The following FNIP2 variants were observed in gnomAD, a reference collection of about 807,000 sequenced individuals.
FNIP2 encodes folliculin-interacting protein 2.
FNIP2 carries 32 observed loss-of-function variants against 108.7 expected under a neutral mutation model. The observed-to-expected ratio is 0.29, with a 90% confidence interval of 0.22 to 0.40. The LOEUF is 0.40. FNIP2 is among the 10% of genes least tolerant of loss of function. The pLI, the probability that FNIP2 is intolerant of heterozygous loss-of-function variation, is 1.00. For synonymous variants in FNIP2, 480 were observed against 496.7 expected (o/e 0.97, Z 0.45); for missense variants, 1,202 against 1,381.6 (o/e 0.87, Z 2.06).
In FNIP2 at chr4:158,784,300, A is replaced by G. The variant is rs772270009; in HGVS notation, c.107+14981A>G. 3.4e-4 allele frequency among the ~76,000 whole-genome samples: 52 copies of G among 152,304 alleles called. No individual in the cohort carries two copies. The Middle Eastern group carries it at 0.01, about 30-fold the overall frequency. On this transcript the variant is annotated intron_variant, in intron 1 of 16. Coordinates refer to ENST00000264433, the MANE Select transcript of FNIP2 (RefSeq NM_020840.3). ...GTTCCTTCTTCCAAACTCGGTTTAG[A>G]TGCCACCTCTGATTATCTTTGCTGA...
intron 16 of FNIP2, 63 bp downstream of exon 16, chr4:158,895,928 A>AG: frequency 5.6e-6 from 7 of 1,246,376 alleles, no homozygotes; most frequent in Non-Finnish European, 8.1e-6. Context: ...TGTACCCACT[A>AG]ACGTGTTTAG....
At chr4:158,895,283 C>T (rs982309988) in intron 15 of FNIP2, among the ~76,000 whole-genome samples, 6 of 152,090 alleles carry the variant, frequency 3.9e-5, no homozygotes, top group African/African-American at 1.4e-4. Flanking sequence ...CCAGAATAAT[C>T]TGAGCTATTG....
In FNIP2 at chr4:158,891,493, A is replaced by C. The variant is rs1409320326; in HGVS notation, c.2997A>C (p.Ala999=). ...TAGCTGAAGCTGTCTGTATTATCGC[A>C]GACACGGATAAATGGAGTGTGCAGG... is the stretch of plus-strand genomic sequence containing the variant. ...EPIAEAVCII[A]DTDKWSVQVA... Residue 999 remains alanine (A), a synonymous_variant, in exon 15 of 17, where the codon GCA becomes GCC. Transcript: ENST00000264433. The C allele has an allele frequency of 1.2e-6, 2 of 1,608,726 alleles. No individual in the cohort carries two copies. Among genetic ancestry groups the C allele is most frequent in the Non-Finnish European group, 1.7e-6 (2 of 1,177,466 alleles).
chr4:158,886,717 G>A (rs1363252295), intron 14 of FNIP2, among the ~76,000 whole-genome samples: 1 of 152,182 alleles, frequency 6.6e-6, no homozygotes, highest in African/African-American at 2.4e-5. Flanking sequence ...CATCCATAAG[G>A]TTTGTAAAGT....
At chr4:158,877,495 C>T (rs190621791) in intron 14 of FNIP2, among the ~76,000 whole-genome samples, 3 of 152,232 alleles carry the variant, frequency 2.0e-5, no homozygotes, top group Middle Eastern at 3.4e-3. Context: ...AACCTGTTTC[C>T]AAGAGAAAAA....
At position 158,880,247 on chromosome 4, in the gene FNIP2, G is replaced by A. The variant is rs183926594; in HGVS notation, c.2949+9778G>A. On this transcript the variant is annotated intron_variant, in intron 14 of 16. Transcript: ENST00000264433. ...AGAAAATGTGGCACATATACACTAC[G>A]GAATACAATGCAGCCATAAAAAATG... is the stretch of plus-strand genomic sequence containing the variant. Among the ~76,000 whole-genome samples the A allele has an allele frequency of 4.9e-3, 740 of 152,214 alleles. 4 individuals carry two copies. The highest frequency in any genetic ancestry group is 7.1e-3 in the Non-Finnish European group (480 of 68,026).
At position 158,866,221 on chromosome 4, in the gene FNIP2, C is replaced by CTTTTTT. The variant is rs34074378; in HGVS notation, c.1466-1871_1466-1866dup. Among the ~76,000 whole-genome samples, 13 of 59,776 alleles carry CTTTTTT rather than the reference C, an allele frequency of 2.2e-4. 5 individuals carry two copies. In the East Asian group the frequency reaches 8.3e-3, roughly 38 times the overall value. 39.2% of individuals were successfully genotyped at this position (59,776 alleles called of 152,430 possible). A position where few individuals can be genotyped will look rare whatever the true frequency, so the allele number is the denominator to read the frequency against. ...GATTTGTTCCAATATTCTGGTTATT[C>CTTTTTT]TTTTTTTTTTTTTTTGAGACAGAGT... On this transcript the variant is annotated intron_variant, in intron 12 of 16. Transcript: ENST00000264433.
intron 16 of FNIP2, among the ~76,000 whole-genome samples, chr4:158,904,148 G>T (rs114302195): frequency 0.021 from 3,210 of 152,306 alleles, 118 homozygotes; most frequent in African/African-American, 0.073. Context: ...ATGATACAAT[G>T]AAGTTATATA....
chr4:158,890,508 A>G lies in FNIP2; in HGVS notation c.2950-938A>G, dbSNP rs113635026. On this transcript the variant is annotated intron_variant, in intron 14 of 16. Transcript: ENST00000264433. ...CCTGTTAAAATTACAGTATTGCATC[A>G]TGCATCTTTGATTTGTATTTGCAGC... 3.4e-3 allele frequency among the ~76,000 whole-genome samples: 521 copies of G among 152,312 alleles called. 7 individuals are homozygous for G. Among genetic ancestry groups the G allele is most frequent in the Non-Finnish European group, 5.4e-3 (366 of 68,026 alleles).
chr4:158,842,436 A>G (rs1243610746), intron 7 of FNIP2, among the ~76,000 whole-genome samples: 1 of 152,200 alleles, frequency 6.6e-6, no homozygotes, highest in East Asian at 1.9e-4. Context: ...GCCAGACTAA[A>G]TAACTTTTAC....
intron 1 of FNIP2, among the ~76,000 whole-genome samples, chr4:158,795,609 GCTTGCAGGTATT>G: frequency 6.6e-6 from 1 of 152,194 alleles, no homozygotes; most frequent in East Asian, 1.9e-4. Flanking sequence ...ATTGTGCATG[GCTTGCAGGTATT>G]CTTCCCTAAA....
chr4:158,881,660 C>T (rs544408044), intron 14 of FNIP2, among the ~76,000 whole-genome samples: 3,459 of 152,362 alleles, frequency 0.023, 42 homozygotes, highest in Non-Finnish European at 0.035. Context: ...ACTGTGTTGG[C>T]CGGGCTGGTC....
chr4:158,820,714 T>C (rs1777837727), intron 1 of FNIP2, among the ~76,000 whole-genome samples: 1 of 151,882 alleles, frequency 6.6e-6, no homozygotes, highest in Admixed American at 6.6e-5. Flanking sequence ...CAGTGATAAC[T>C]GTCTTTTTGT....
At chr4:158,783,750 T>G (rs2126430559) in intron 1 of FNIP2, among the ~76,000 whole-genome samples, 1 of 152,328 alleles carries the variant, frequency 6.6e-6, no homozygotes, top group Middle Eastern at 3.4e-3. Flanking sequence ...CTAGGTGGCC[T>G]AAAGTCCTCA....
At chr4:158,792,268 T>C (rs1355369675) in intron 1 of FNIP2, among the ~76,000 whole-genome samples, 1 of 152,152 alleles carries the variant, frequency 6.6e-6, no homozygotes, top group Admixed American at 6.5e-5. Context: ...AATATTTGAG[T>C]CACTTTACAC....
At chr4:158,770,588 A>G (rs1219843421) in intron 1 of FNIP2, among the ~76,000 whole-genome samples, 2 of 152,286 alleles carry the variant, frequency 1.3e-5, no homozygotes, top group South Asian at 2.1e-4. Context: ...CATGGAAGGC[A>G]TATTGTGAGG....
At chr4:158,837,150 CAAG>C (rs1384065288) in intron 7 of FNIP2, among the ~76,000 whole-genome samples, 1 of 152,148 alleles carries the variant, frequency 6.6e-6, no homozygotes, top group Non-Finnish European at 1.5e-5. Flanking sequence ...ACTTTCCTGG[CAAG>C]AAGATGTATG....
chr4:158,834,021 A>C (rs1344292429), intron 6 of FNIP2: 5 of 461,230 alleles, frequency 1.1e-5, no homozygotes, highest in Non-Finnish European at 1.7e-5. Context: ...ATTGGTTTCA[A>C]ATGCGGCCAA....
chr4:158,859,436 A>T, intron 9 of FNIP2, 142 bp from the exon 10 acceptor site: 1 of 1,009,108 alleles, frequency 9.9e-7, no homozygotes, highest in Non-Finnish European at 1.5e-6. Flanking sequence ...TTAGGGAAGG[A>T]AATGACTGCT....
Sources: gnomAD v4.1 joint callset for allele counts (sites outside exome capture counted in the v4.1 genomes callset) on GRCh38, gnomAD v4.1.1 for gene constraint, MANE v1.5 for transcripts, NCBI Gene and HGNC (gene_info 2026-07-23, HGNC 2026-07-21) for gene names.